The following COL4A6 variants were observed in gnomAD, a reference collection of about 807,000 sequenced individuals.
COL4A6 encodes the protein collagen alpha-6(IV) chain.
In COL4A6, 59 loss-of-function variants were observed where a neutral mutation model predicts 126.7. The observed-to-expected ratio is 0.47, with a 90% CI of 0.38 to 0.58. COL4A6 has a LOEUF of 0.58. COL4A6 is among the 20% of genes least tolerant of loss of function. The probability of loss-of-function intolerance (pLI) is 0.00; values close to 1 mark genes in which losing one functional copy is unlikely to be tolerated. For missense variants in COL4A6, 1,285 were observed against 1,337.3 expected (o/e 0.96, Z 0.61); for synonymous variants, 547 against 496.6 (o/e 1.10, Z -1.35).
intron 41 of COL4A6, among the ~76,000 whole-genome samples, chrX:108,162,399 AAAGAAGAAG>A (rs199879518): frequency 9.2e-6 from 1 of 108,208 alleles, no homozygotes; most frequent in Non-Finnish European, 1.9e-5. Flanking sequence ...AGGAAGAAGA[AAAGAAGAAG>A]AAGAAGAGGA....
intron 13 of COL4A6, among the ~76,000 whole-genome samples, chrX:108,202,253 T>G (rs1437413874): frequency 8.9e-6 from 1 of 111,884 alleles, no homozygotes; most frequent in Admixed American, 9.5e-5. Flanking sequence ...ATATATGAAC[T>G]TATATAACCA....
chrX:108,339,836 A>G (rs965979922), intron 2 of COL4A6, among the ~76,000 whole-genome samples: 3 of 110,555 alleles, frequency 2.7e-5, no homozygotes, highest in Non-Finnish European at 5.7e-5. Context: ...CTTGCTTTGG[A>G]TCTGATTCTT....
At chrX:108,387,691 A>G (rs1479819796) in intron 2 of COL4A6, among the ~76,000 whole-genome samples, 1 of 111,576 alleles carries the variant, frequency 9.0e-6, no homozygotes, top group Non-Finnish European at 1.9e-5. Flanking sequence ...TCTTTTCCTA[A>G]TTGAATATCT....
At chrX:108,334,597 T>C (rs1418324674) in intron 2 of COL4A6, among the ~76,000 whole-genome samples, 2 of 111,872 alleles carry the variant, frequency 1.8e-5, no homozygotes, top group African/African-American at 6.5e-5. Flanking sequence ...CCAGTCCTGC[T>C]TTATTATTAT....
chrX:108,428,077 C>A (rs1395551950), intron 2 of COL4A6, among the ~76,000 whole-genome samples: 1 of 111,348 alleles, frequency 9.0e-6, no homozygotes, highest in African/African-American at 3.3e-5. Context: ...CCAGGGATGT[C>A]CAATCTTTTG....
At chrX:108,185,612 G>A (rs2034837497) in intron 23 of COL4A6, among the ~76,000 whole-genome samples, 1 of 111,506 alleles carries the variant, frequency 9.0e-6, no homozygotes, top group Non-Finnish European at 1.9e-5. Context: ...ATGATAAGGT[G>A]GAAACAGGAG....
chrX:108,323,788 C>T (rs977810578), intron 2 of COL4A6, among the ~76,000 whole-genome samples: 1 of 112,166 alleles, frequency 8.9e-6, no homozygotes, highest in East Asian at 2.8e-4. Context: ...CTGTTGTATT[C>T]GTTGCTCACT....
chrX:108,390,790 T>A (rs1446969876), intron 2 of COL4A6, among the ~76,000 whole-genome samples: 1 of 110,959 alleles, frequency 9.0e-6, no homozygotes, highest in Non-Finnish European at 1.9e-5. Context: ...GGCATTGTGA[T>A]CCTTTGGAAG....
chrX:108,383,884 A>G (rs1392326884), intron 2 of COL4A6: 1 of 520,863 alleles, frequency 1.9e-6, no homozygotes, highest in Non-Finnish European at 3.3e-6. Context: ...CAATGTTGGA[A>G]AAATACAGAA....
At chrX:108,401,133 AC>A (rs1400550433) in intron 2 of COL4A6, among the ~76,000 whole-genome samples, 11 of 111,402 alleles carry the variant, frequency 9.9e-5, no homozygotes, top group African/African-American at 3.6e-4. Flanking sequence ...TTGAGGTGCT[AC>A]CTTCACTATT....
chrX:108,438,287 G>A lies in COL4A6; in HGVS notation c.-91C>T. 6 of 1,128,683 alleles carry A rather than the reference G, an allele frequency of 5.3e-6. No homozygotes were observed. The highest frequency in any genetic ancestry group is 3.3e-5 in the Admixed American group (1 of 29,911). 93.0% of individuals were successfully genotyped at this position (1,128,683 alleles called of 1,213,427 possible). ...TGGGCTCTGCTGATGCTTGGAGGCTGTTTCCTTACTCAGAACAGAGTAGGT... is the reference window on the plus strand; with the variant it reads ...TGGGCTCTGCTGATGCTTGGAGGCTATTTCCTTACTCAGAACAGAGTAGGT... On this transcript the variant is annotated 5_prime_UTR_variant, in exon 1 of 45. Transcript: ENST00000334504.
intron 2 of COL4A6, among the ~76,000 whole-genome samples, chrX:108,370,295 C>T (rs1436091035): frequency 1.8e-5 from 2 of 111,751 alleles, no homozygotes; most frequent in African/African-American, 3.3e-5. Context: ...ATATACAACT[C>T]CCTTTATTTT....
chrX:108,211,866 A>T, intron 6 of COL4A6, 126 bp from the exon 7 acceptor site: 1 of 644,585 alleles, frequency 1.6e-6, no homozygotes, highest in East Asian at 3.5e-5. Context: ...CTATGGCAAA[A>T]TTGGCTGTAC....
At chrX:108,376,540 G>T (rs2040437479) in intron 2 of COL4A6, among the ~76,000 whole-genome samples, 1 of 112,014 alleles carries the variant, frequency 8.9e-6, no homozygotes, top group African/African-American at 3.3e-5. Flanking sequence ...AAAGGTGGAG[G>T]TTGCAGTGAG....
In COL4A6 at chrX:108,170,823, A is replaced by G. The variant is rs1294795247; in HGVS notation, c.3372T>C (p.Leu1124=). The G allele has an allele frequency of 2.5e-6, 3 of 1,210,545 alleles. No individual in the cohort carries two copies. Among genetic ancestry groups the G allele is most frequent in the Non-Finnish European group, 3.4e-6 (3 of 894,874 alleles). The change falls in exon 34 of 45, where the codon CTT becomes CTC. Residue 1124 remains leucine, a synonymous_variant. Coordinates refer to ENST00000334504, the MANE Select transcript of COL4A6 (RefSeq NM_033641.4). ...GKVGVSGDVG[L]PGAPGFPGVA... ...GTGGCATGGTACCTGGAGCTCCAGG[A>G]AGGCCAACATCTCCAGAAACACCAA...
chrX:108,268,214 A>T (rs1328815475), intron 3 of COL4A6: 2 of 112,208 alleles, frequency 1.8e-5, no homozygotes, highest in African/African-American at 6.5e-5. Context: ...TACTGTATTT[A>T]AAATGGTTCA....
At chrX:108,296,601 G>C (rs2038332770) in intron 3 of COL4A6, among the ~76,000 whole-genome samples, 2 of 112,281 alleles carry the variant, frequency 1.8e-5, no homozygotes, top group African/African-American at 6.5e-5. Flanking sequence ...CCAAGACAAA[G>C]TACCATTAGT....
intron 3 of COL4A6, among the ~76,000 whole-genome samples, chrX:108,279,122 G>T (rs2037716372): frequency 9.0e-6 from 1 of 111,727 alleles, no homozygotes; most frequent in African/African-American, 3.3e-5. Flanking sequence ...ATCATGACAG[G>T]ATCAAATTCA....
At chrX:108,385,815 C>A (rs2148149843) in intron 2 of COL4A6, among the ~76,000 whole-genome samples, 1 of 110,310 alleles carries the variant, frequency 9.1e-6, no homozygotes, top group African/African-American at 3.3e-5. Flanking sequence ...TTTGCTGCAC[C>A]CATCAACCCC....
Sources: allele counts gnomAD v4.1 joint callset (sites outside exome capture counted in the v4.1 genomes callset), GRCh38; gene constraint gnomAD v4.1.1; transcripts MANE v1.5; gene names NCBI Gene and HGNC (gene_info 2026-07-23, HGNC 2026-07-21).